PCDHA5: variants seen among roughly 807,000 people sequenced by gnomAD.
PCDHA5 encodes protocadherin alpha 5, also known as protocadherin alpha-5.
Under a neutral mutation model 61.6 loss-of-function variants are expected in PCDHA5, and 43 were observed. The observed-to-expected ratio is 0.70, with a 90% confidence interval of 0.55 to 0.90. The LOEUF (loss-of-function observed/expected upper bound fraction) is 0.90. Among genes scored for constraint, PCDHA5 ranks in the 40% least tolerant of loss-of-function variants. The pLI is 0.00. For missense variants in PCDHA5, 1,298 were observed against 1,222.7 expected (o/e 1.06, Z -0.92); for synonymous variants, 627 against 543.9 (o/e 1.15, Z -2.13).
rs1205980132 is a variant in PCDHA5, at chr5:140,829,675, A to G, written c.2352+5548A>G. ...TGCAGCCGCTGGACCACGAGGAGCTAGAGCTGCTGCAGTTTCAGGTGAGCG... is the reference window on the plus strand; with the variant it reads ...TGCAGCCGCTGGACCACGAGGAGCTGGAGCTGCTGCAGTTTCAGGTGAGCG... On this transcript the variant is annotated intron_variant, in intron 1 of 3. Transcript: ENST00000529859. The G allele has an allele frequency of 3.1e-6, 5 of 1,613,082 alleles. No individual in the cohort carries two copies. The South Asian group carries it at 4.4e-5, about 14-fold the overall frequency.
At chr5:140,982,191 T>C (rs1431582069) in intron 2 of PCDHA5, among the ~76,000 whole-genome samples, 2 of 152,266 alleles carry the variant, frequency 1.3e-5, no homozygotes, top group Non-Finnish European at 2.9e-5. Flanking sequence ...ATGGGCTTCC[T>C]GTTAGATTTA....
chr5:140,897,361 G>A (rs1455815825), intron 1 of PCDHA5, among the ~76,000 whole-genome samples: 1 of 123,218 alleles, frequency 8.1e-6, no homozygotes, highest in Non-Finnish European at 1.6e-5. Context: ...TGTCCCCAGA[G>A]TGTGATGTTC....
intron 1 of PCDHA5, chr5:140,865,868 G>A (rs2049029480): frequency 1.3e-5 from 2 of 152,098 alleles, no homozygotes; most frequent in African/African-American, 2.4e-5. Context: ...CATGGTCTCG[G>A]CTAGGAAAAT....
rs781967971 is a variant in PCDHA5 at position 140,875,741 on chromosome 5, T to C, written c.2352+51614T>C. 10 of 1,614,098 alleles carry C rather than the reference T, an allele frequency of 6.2e-6. No homozygotes were observed. The highest frequency in any genetic ancestry group is 8.5e-6 in the Non-Finnish European group (10 of 1,180,040). On this transcript the variant is annotated intron_variant, in intron 1 of 3. Coordinates refer to ENST00000529859, the MANE Select transcript of PCDHA5 (RefSeq NM_018908.3). ...GGCATTTTGTTTGTGAATTCTCGGA[T>C]CGACCGCGAGAAGCTGTGCGGGCGG...
At chr5:140,869,951 CAATT>C (rs1554163647) in intron 1 of PCDHA5, 4 of 1,611,984 alleles carry the variant, frequency 2.5e-6, no homozygotes, top group Non-Finnish European at 3.4e-6. Flanking sequence ...TCCTTAATGT[CAATT>C]AAGCCCAATG....
At chr5:140,825,234 G>C (rs1554130170) in intron 1 of PCDHA5, 2 of 150,892 alleles carry the variant, frequency 1.3e-5, no homozygotes, top group African/African-American at 4.9e-5. Context: ...CTTTTATCTG[G>C]ATCTATGGTG....
chr5:140,882,770 T>C (rs781904504), intron 1 of PCDHA5: 4 of 1,614,144 alleles, frequency 2.5e-6, no homozygotes, highest in Non-Finnish European at 3.4e-6. Flanking sequence ...AAACTCGGCA[T>C]TGACCTACCG....
At chr5:140,846,705 G>A (rs1780632800) in intron 1 of PCDHA5, among the ~76,000 whole-genome samples, 1 of 149,244 alleles carries the variant, frequency 6.7e-6, no homozygotes, top group Non-Finnish European at 1.5e-5. Context: ...AGAGAAGATT[G>A]TAATAACCAG....
chr5:140,977,245 AC>A (rs2096751811), intron 1 of PCDHA5, among the ~76,000 whole-genome samples: 1 of 152,212 alleles, frequency 6.6e-6, no homozygotes, highest in Non-Finnish European at 1.5e-5. Context: ...AAAATTGGCA[AC>A]ATTTCTCAGC....
At chr5:140,834,349 T>C (rs1772916837) in intron 1 of PCDHA5, 1 of 1,534,320 alleles carries the variant, frequency 6.5e-7, no homozygotes, top group Non-Finnish European at 8.8e-7. Context: ...CGAAGGCAAG[T>C]TTTGCTGACT....
rs2150359087 is a variant in PCDHA5, at chr5:140,843,393, C to A, written c.2352+19266C>A. 46 of 1,596,052 alleles carry A rather than the reference C, an allele frequency of 2.9e-5. 2 individuals are homozygous for A. The highest frequency in any genetic ancestry group is 4.4e-5 in the South Asian group (4 of 90,510). ...TCGGCTGGCGTTTTGGGTCCGGAAG[C>A]GGCGCTGGTGGATGTCAACGTGTAC... On this transcript the variant is annotated intron_variant, in intron 1 of 3. Transcript: ENST00000529859.
chr5:140,962,248 A>G (rs782618740), intron 1 of PCDHA5, among the ~76,000 whole-genome samples: 5 of 152,182 alleles, frequency 3.3e-5, no homozygotes, highest in Non-Finnish European at 5.9e-5. Context: ...ATTTTCTTCA[A>G]TGAAAAATAA....
intron 1 of PCDHA5, among the ~76,000 whole-genome samples, chr5:140,957,571 G>C (rs2095367794): frequency 6.6e-6 from 1 of 152,186 alleles, no homozygotes; most frequent in South Asian, 2.1e-4. Context: ...AGGGACTACT[G>C]TACTTTTAAC....
chr5:140,954,845 C>T (rs1479368081), intron 1 of PCDHA5, among the ~76,000 whole-genome samples: 2 of 152,140 alleles, frequency 1.3e-5, no homozygotes, highest in African/African-American at 4.8e-5. Context: ...AAATCTTTGC[C>T]TGTGCCTATG....
rs139450702 is a variant in PCDHA5 at position 140,830,109 on chromosome 5, G to A, written c.2352+5982G>A. The stretch of plus-strand genomic sequence containing the variant: ...GTTCTGGTGTCGCTGGTGGAGAGTG[G>A]CCAGGCTCCAAAGGCGTCATCACGG... On this transcript the variant is annotated intron_variant, in intron 1 of 3. Coordinates refer to ENST00000529859, the MANE Select transcript of PCDHA5 (RefSeq NM_018908.3). The A allele has an allele frequency of 4.0e-5, 65 of 1,613,456 alleles. No homozygotes were observed. The East Asian group carries it at 7.6e-4, about 19-fold the overall frequency.
intron 1 of PCDHA5, chr5:140,870,819 G>T: frequency 3.1e-6 from 5 of 1,613,714 alleles, no homozygotes; most frequent in Non-Finnish European, 4.2e-6. Context: ...CTGGCAGCGC[G>T]GGAGGCGCAG....
chr5:140,878,567 G>T (rs562054144), intron 1 of PCDHA5, among the ~76,000 whole-genome samples: 1 of 152,268 alleles, frequency 6.6e-6, no homozygotes, highest in Non-Finnish European at 1.5e-5. Flanking sequence ...ACTTATCATA[G>T]TATACCACTG....
intron 1 of PCDHA5, chr5:140,856,868 A>C: frequency 6.3e-7 from 1 of 1,595,926 alleles, no homozygotes; most frequent in Non-Finnish European, 8.6e-7. Flanking sequence ...AGGAATAAAC[A>C]AGGAAATGAT....
intron 1 of PCDHA5, among the ~76,000 whole-genome samples, chr5:140,900,263 G>A (rs909474202): frequency 2.0e-5 from 3 of 151,830 alleles, no homozygotes; most frequent in African/African-American, 7.3e-5. Flanking sequence ...GTACTCCATT[G>A]TGTATATGTA....
Sources: gnomAD v4.1 joint callset for allele counts (sites outside exome capture counted in the v4.1 genomes callset) on GRCh38, gnomAD v4.1.1 for gene constraint, MANE v1.5 for transcripts, NCBI Gene and HGNC (gene_info 2026-07-23, HGNC 2026-07-21) for gene names.